Variants in TASP1 observed in about 807,000 individuals in gnomAD.
TASP1 encodes taspase 1.
Under a neutral mutation model 56.6 loss-of-function variants are expected in TASP1, and 16 were observed. That is an observed-to-expected ratio of 0.28 (90% CI 0.19 to 0.43). The LOEUF is 0.43. Ranked by LOEUF, TASP1 falls within the 20% of genes least tolerant of loss-of-function variation. The pLI is 1.00. For missense variants in TASP1, 393 were observed against 511.6 expected (o/e 0.77, Z 2.24); for synonymous variants, 179 against 184.2 (o/e 0.97, Z 0.23).
chr20:13,175,802 A>C, the TASP1 span, among the ~76,000 whole-genome samples: 2,415 of 152,352 alleles, frequency 0.016, 41 homozygotes, highest in Non-Finnish European at 0.022. Context: ...GATTCTACAG[A>C]AGATGAGCTT....
the TASP1 span, among the ~76,000 whole-genome samples, chr20:13,291,266 T>C: frequency 6.6e-6 from 1 of 152,216 alleles, no homozygotes; most frequent in African/African-American, 2.4e-5. Context: ...TTCCTGGCTA[T>C]TGCAGCTTTT....
the TASP1 span, among the ~76,000 whole-genome samples, chr20:13,150,743 T>C: frequency 1.3e-5 from 2 of 152,206 alleles, no homozygotes; most frequent in Non-Finnish European, 2.9e-5. Flanking sequence ...TCCAGCCTCA[T>C]CTTGTCCCAG....
the TASP1 span, among the ~76,000 whole-genome samples, chr20:13,344,989 T>C: frequency 6.6e-6 from 1 of 152,116 alleles, no homozygotes; most frequent in Non-Finnish European, 1.5e-5. Context: ...CAGGCAAGCA[T>C]GTCCAGTTAA....
At chr20:13,531,809 C>T (rs2045231656) in intron 9 of TASP1, among the ~76,000 whole-genome samples, 1 of 152,150 alleles carries the variant, frequency 6.6e-6, no homozygotes, top group Non-Finnish European at 1.5e-5. Flanking sequence ...GGATTACAGG[C>T]TTATACCACC....
At chr20:13,301,298 C>T in the TASP1 span, among the ~76,000 whole-genome samples, 3 of 152,110 alleles carry the variant, frequency 2.0e-5, no homozygotes, top group Non-Finnish European at 2.9e-5. Flanking sequence ...AAGCGATTCT[C>T]GTGCCTCAGC....
At chr20:13,520,321 C>A (rs906824912) in intron 10 of TASP1, among the ~76,000 whole-genome samples, 4 of 152,138 alleles carry the variant, frequency 2.6e-5, no homozygotes, top group African/African-American at 9.7e-5. Context: ...CCAAGTCAAT[C>A]CTAAGCCAAA....
chr20:13,375,982 G>C, the TASP1 span, among the ~76,000 whole-genome samples: 2 of 151,150 alleles, frequency 1.3e-5, no homozygotes, highest in Admixed American at 6.6e-5. Context: ...TTAGCCCTTT[G>C]TCAGATGGGT....
chr20:13,528,219 CAAAAAAAAAAAAAA>C (rs397942980), intron 10 of TASP1, among the ~76,000 whole-genome samples, 200 bp downstream of exon 10: 2 of 54,316 alleles, frequency 3.7e-5, no homozygotes, highest in African/African-American at 7.5e-5. Context: ...GACTCTGACT[CAAAAAAAAAAAAAA>C]AAAAAAAAAA....
At chr20:13,623,383 G>T in intron 4 of TASP1, 63 bp downstream of exon 4, 1 of 1,392,960 alleles carries the variant, frequency 7.2e-7, no homozygotes, top group Non-Finnish European at 1.0e-6. Flanking sequence ...ACAATTTCAT[G>T]TCATTTAAGA....
At chr20:13,455,841 T>C (rs1428290897) in intron 11 of TASP1, among the ~76,000 whole-genome samples, 2 of 152,178 alleles carry the variant, frequency 1.3e-5, no homozygotes, top group Non-Finnish European at 1.5e-5. Context: ...CTGATTTACA[T>C]GGGGCATTGC....
chr20:13,613,354 T>C (rs994425969), intron 4 of TASP1, among the ~76,000 whole-genome samples: 5 of 152,188 alleles, frequency 3.3e-5, no homozygotes, highest in Admixed American at 2.6e-4. Flanking sequence ...CAGCTTAAAA[T>C]ATTTCCAGGG....
chr20:13,528,375 T>A, intron 10 of TASP1, 58 bp downstream of exon 10: 1 of 1,465,154 alleles, frequency 6.8e-7, no homozygotes, highest in Non-Finnish European at 9.4e-7. Context: ...TTGCTTTTAA[T>A]CATTAAATGA....
At chr20:13,418,265 A>G (rs2042327093) in intron 12 of TASP1, among the ~76,000 whole-genome samples, 1 of 152,190 alleles carries the variant, frequency 6.6e-6, no homozygotes, top group Admixed American at 6.5e-5. Context: ...CTTTGGAGAA[A>G]TGTCCATTCC....
chr20:13,311,703 G>A, the TASP1 span, among the ~76,000 whole-genome samples: 2 of 152,130 alleles, frequency 1.3e-5, no homozygotes, highest in African/African-American at 2.4e-5. Context: ...CAAATTCTGC[G>A]TGATCTCACT....
the TASP1 span, among the ~76,000 whole-genome samples, chr20:13,378,247 G>A: frequency 6.6e-6 from 1 of 152,140 alleles, no homozygotes; most frequent in Non-Finnish European, 1.5e-5. Flanking sequence ...TGCTTTAACT[G>A]TGTCCCAGAG....
the TASP1 span, among the ~76,000 whole-genome samples, chr20:13,189,843 C>G: frequency 6.6e-6 from 1 of 152,204 alleles, no homozygotes; most frequent in East Asian, 1.9e-4. Context: ...AAAAAGATAC[C>G]TGCACTCACA....
chr20:13,274,762 C>G, the TASP1 span, among the ~76,000 whole-genome samples: 16 of 148,014 alleles, frequency 1.1e-4, no homozygotes, highest in East Asian at 2.5e-3. Flanking sequence ...AGCATTTTAA[C>G]TCCCAGAAGT....
chr20:13,126,646 T>C, the TASP1 span: 1 of 1,614,096 alleles, frequency 6.2e-7, no homozygotes, highest in Non-Finnish European at 8.5e-7. Flanking sequence ...GCTTCATCCA[T>C]GAGCCCACCG....
chr20:13,518,797 C>T (rs1194841059), intron 10 of TASP1, among the ~76,000 whole-genome samples: 3 of 152,000 alleles, frequency 2.0e-5, no homozygotes, highest in Non-Finnish European at 4.4e-5. Flanking sequence ...AAAATAGAAC[C>T]ACCATTTGAC....
Sources: gnomAD v4.1 joint callset for allele counts (sites outside exome capture counted in the v4.1 genomes callset) on GRCh38, gnomAD v4.1.1 for gene constraint, MANE v1.5 for transcripts, NCBI Gene and HGNC (gene_info 2026-07-23, HGNC 2026-07-21) for gene names.